RBL2: variants seen among roughly 807,000 people sequenced by gnomAD.
RBL2 encodes the protein retinoblastoma-like protein 2.
In RBL2, 56 loss-of-function variants were observed where a neutral mutation model predicts 126.0. That is an observed-to-expected ratio of 0.44 (90% CI 0.36 to 0.56). The LOEUF (loss-of-function observed/expected upper bound fraction) is 0.56. Ranked by LOEUF, RBL2 falls within the 20% of genes least tolerant of loss-of-function variation. The pLI is 0.00. For missense variants in RBL2, 1,229 were observed against 1,398.2 expected (o/e 0.88, Z 1.93); for synonymous variants, 454 against 478.5 (o/e 0.95, Z 0.67).
chr16:53,470,419 C>G lies in RBL2; in HGVS notation c.2282C>G (p.Pro761Arg), dbSNP rs375339548. The G allele has an allele frequency of 8.1e-6, 13 of 1,614,028 alleles. No homozygotes were observed. In the African/African-American group the frequency reaches 1.5e-4, roughly 18 times the overall value. Reference sequence around the variant, plus strand: ...GAAAATGGAGGGATAACATTCTTCCCTGTCCAAGTCAATGTTGGGGGGCAG... The same window carrying G: ...GAAAATGGAGGGATAACATTCTTCCGTGTCCAAGTCAATGTTGGGGGGCAG... Reference protein sequence around the residue: ...ANENGGITFFPVQVNVGGQAQ... With the variant: ...ANENGGITFFRVQVNVGGQAQ... The change falls in exon 16 of 22, where the codon CCT (proline) becomes CGT (arginine). Residue 761 changes from proline (P) to arginine (R), a missense_variant. By Grantham distance (103) the Pro-to-Arg change is moderately radical. Around this residue, in one of 2 missense-constraint regions of RBL2, gnomAD observed 1,070 missense variants for 1,274.3 expected, o/e 0.84. Transcript: ENST00000262133.
At chr16:53,462,261 G>A (rs187156497) in intron 10 of RBL2, among the ~76,000 whole-genome samples, 70 of 152,176 alleles carry the variant, frequency 4.6e-4, no homozygotes, top group Non-Finnish European at 5.4e-4. Context: ...ATACCTCTTA[G>A]CATTGGTCTG....
chr16:53,454,530 TTACCC>T, intron 7 of RBL2, 121 bp from the exon 8 acceptor site: 1 of 867,510 alleles, frequency 1.2e-6, no homozygotes, highest in East Asian at 2.7e-5. Flanking sequence ...TAACTACAAG[TTACCC>T]TACCAAAGTT....
intron 1 of RBL2, among the ~76,000 whole-genome samples, chr16:53,437,011 C>G (rs2057964891): frequency 6.6e-6 from 1 of 151,686 alleles, no homozygotes; most frequent in Non-Finnish European, 1.5e-5. Context: ...ACTAATTCTT[C>G]TTTTTAGGAA....
At position 53,454,763 on chromosome 16, in the gene RBL2, G is replaced by A. The variant is rs746891985; in HGVS notation, c.1100G>A (p.Arg367Lys). The A allele has an allele frequency of 6.2e-7, 1 of 1,614,112 alleles. No individual in the cohort carries two copies. The highest frequency in any genetic ancestry group is 1.1e-5 in the South Asian group (1 of 91,080). Residue 367 changes from arginine (R) to lysine (K), a missense_variant, in exon 8 of 22, where the codon AGG (arginine) becomes AAG (lysine). Transcript: ENST00000262133. ...DAEEEIGTLS[R>K]CLNAGSGTET... ...GAGGAGGAAATTGGGACTCTCTCAA[G>A]GTGTCTGAACGCTGGTTCAGGAACA...
chr16:53,446,964 A>G, intron 3 of RBL2, 78 bp from the exon 4 acceptor site: 2 of 818,772 alleles, frequency 2.4e-6, no homozygotes, highest in Non-Finnish European at 3.7e-6. Flanking sequence ...TTTATTTTAC[A>G]CCTGATTTAT....
At chr16:53,457,592 G>T (rs746006298) in intron 8 of RBL2, among the ~76,000 whole-genome samples, 1 of 152,028 alleles carries the variant, frequency 6.6e-6, no homozygotes, top group Non-Finnish European at 1.5e-5. Context: ...AATGAGGAGG[G>T]ATTACTTAGA....
intron 21 of RBL2, among the ~76,000 whole-genome samples, chr16:53,482,499 G>A (rs1960992965): frequency 6.6e-6 from 1 of 152,132 alleles, no homozygotes; most frequent in Non-Finnish European, 1.5e-5. Flanking sequence ...CTTACATAAT[G>A]AGATTTTTAT....
At position 53,444,722 on chromosome 16, in the gene RBL2, C is replaced by T. The variant is rs949176184; in HGVS notation, c.572+1864C>T. On this transcript the variant is annotated intron_variant, in intron 3 of 21. Coordinates refer to ENST00000262133, the MANE Select transcript of RBL2 (RefSeq NM_005611.4). ...AATTAGGCAGGTATGGTGGTGTGTG[C>T]CTGTTGTCCCAGCTACTTGAGAGGC... Among the ~76,000 whole-genome samples, 6 of 152,124 alleles carry T rather than the reference C, an allele frequency of 3.9e-5. No homozygotes were observed. In the East Asian group the frequency reaches 9.7e-4, roughly 25 times the overall value.
chr16:53,464,192 A>G, intron 11 of RBL2, 34 bp from the exon 12 acceptor site: 1 of 1,468,182 alleles, frequency 6.8e-7, no homozygotes, highest in Non-Finnish European at 9.1e-7. Flanking sequence ...TAGACTAAGT[A>G]AATGTTTCTA....
intron 4 of RBL2, among the ~76,000 whole-genome samples, chr16:53,451,202 A>T (rs1387311178): frequency 1.3e-5 from 2 of 152,232 alleles, no homozygotes; most frequent in Non-Finnish European, 2.9e-5. Context: ...CTAAGCTGTT[A>T]GACATTTATT....
chr16:53,462,630 A>G lies in RBL2; in HGVS notation c.1535A>G (p.Lys512Arg). Residue 512 changes from lysine to arginine, a missense_variant, in exon 11 of 22, where the codon AAA becomes AGA. This residue lies in a region of RBL2 where 1,070 missense variants were observed against 1,274.3 expected (regional missense o/e 0.84). Transcript: ENST00000262133. ...GAATCTGTTATTGAGCAGGAACAAA[A>G]AAGACTAGGAGACATGGATTTATCT... Reference protein sequence around the residue: ...VLESVIEQEQKRLGDMDLSGI... With the variant: ...VLESVIEQEQRRLGDMDLSGI... 1.9e-6 allele frequency: 3 copies of G among 1,563,298 alleles called. No homozygotes were observed. Among genetic ancestry groups the G allele is most frequent in the African/African-American group, 1.4e-5 (1 of 71,660 alleles).
intron 7 of RBL2, 107 bp from the exon 8 acceptor site, chr16:53,454,549 C>T: frequency 9.0e-7 from 1 of 1,107,952 alleles, no homozygotes; most frequent in Non-Finnish European, 1.3e-6. Context: ...CAAAGTTTAA[C>T]TTTCAAAAAA....
intron 21 of RBL2, among the ~76,000 whole-genome samples, chr16:53,482,079 C>T (rs995873133): frequency 5.9e-5 from 9 of 152,128 alleles, no homozygotes; most frequent in Non-Finnish European, 5.9e-5. Context: ...ATTCCCTCTC[C>T]TATTTGTACA....
chr16:53,452,497 GTCTA>G (rs2058125091), intron 5 of RBL2, among the ~76,000 whole-genome samples: 1 of 152,112 alleles, frequency 6.6e-6, no homozygotes, highest in African/African-American at 2.4e-5. Flanking sequence ...ATTTCAGCTT[GTCTA>G]TCAAGGTAGA....
chr16:53,455,565 A>G (rs1467612561), intron 8 of RBL2, among the ~76,000 whole-genome samples: 1 of 152,172 alleles, frequency 6.6e-6, no homozygotes. Flanking sequence ...CAGTGTGGGG[A>G]GATGGACAGG....
intron 20 of RBL2, 49 bp from the exon 21 acceptor site, chr16:53,481,619 AAAT>A: frequency 7.1e-7 from 1 of 1,410,818 alleles, no homozygotes; most frequent in Non-Finnish European, 9.5e-7. Flanking sequence ...TTTTCAGTAA[AAAT>A]AATTATAAAT....
intron 14 of RBL2, 73 bp from the exon 15 acceptor site, chr16:53,469,843 A>G: frequency 1.4e-6 from 2 of 1,443,244 alleles, no homozygotes; most frequent in East Asian, 2.3e-5. Flanking sequence ...ATTTTTTAAC[A>G]TAAGAGCTTG....
intron 17 of RBL2, among the ~76,000 whole-genome samples, chr16:53,476,797 G>A (rs1227994398): frequency 2.0e-5 from 3 of 152,120 alleles, no homozygotes; most frequent in African/African-American, 7.2e-5. Context: ...TAGTCACCCA[G>A]CTTTCTTATG....
chr16:53,484,538 T>C (rs562467371), intron 21 of RBL2, among the ~76,000 whole-genome samples: 280 of 152,278 alleles, frequency 1.8e-3, no homozygotes, highest in Non-Finnish European at 3.0e-3. Context: ...CATGCTACAA[T>C]ATGAATGGAC....
Sources: gnomAD v4.1 joint callset for allele counts (sites outside exome capture counted in the v4.1 genomes callset) on GRCh38, gnomAD v4.1.1 for gene constraint, gnomAD v4.1.1 regional missense constraint, MANE v1.5 for transcripts, NCBI Gene and HGNC (gene_info 2026-07-23, HGNC 2026-07-21) for gene names.